PLAT: variants seen among roughly 807,000 people sequenced by gnomAD.
PLAT encodes plasminogen activator, tissue type, also known as tissue-type plasminogen activator.
A neutral mutation model predicts 74.9 loss-of-function variants in PLAT; 48 were observed. That is an observed-to-expected ratio of 0.64 (90% CI 0.51 to 0.82). The LOEUF (loss-of-function observed/expected upper bound fraction) is 0.82. Ranked by LOEUF, PLAT falls within the 40% of genes least tolerant of loss-of-function variation. The pLI is 0.00. For synonymous variants in PLAT, 307 were observed against 294.4 expected, an observed-to-expected ratio of 1.04 and a Z score of -0.44; for missense variants, 673 against 736.2, an observed-to-expected ratio of 0.91 and a Z score of 0.99.
Position 42,180,385 on chromosome 8 carries a change from G to T in PLAT, c.1086-7C>A, listed in dbSNP as rs1290527362. 1 of 1,614,150 alleles carries T rather than the reference G, an allele frequency of 6.2e-7. No individual in the cohort carries two copies. The highest frequency in any genetic ancestry group is 2.2e-5 in the East Asian group (1 of 44,882). ...CAGGTGGTGGGGCGGAAACCTGGTG[G>T]AGAAACAGCCTTAGAATGCTTTTTT... On this transcript the variant is annotated splice_region_variant and splice_polypyrimidine_tract_variant and intron_variant, in intron 10 of 13. Transcript: ENST00000220809.
At chr8:42,176,528 A>AC (rs1804980894) in intron 13 of PLAT, among the ~76,000 whole-genome samples, 1 of 152,148 alleles carries the variant, frequency 6.6e-6, no homozygotes, top group African/African-American at 2.4e-5. Context: ...GGCTCTGGCC[A>AC]CCCCCACCCA....
chr8:42,194,414 T>A (rs1007408034), intron 1 of PLAT, among the ~76,000 whole-genome samples: 4 of 152,286 alleles, frequency 2.6e-5, no homozygotes, highest in Non-Finnish European at 5.9e-5. Flanking sequence ...CCTTCCTTTT[T>A]AAAGCTGAAT....
intron 6 of PLAT, chr8:42,187,098 A>T: frequency 3.5e-6 from 1 of 282,058 alleles, no homozygotes; most frequent in Non-Finnish European, 6.6e-6. Flanking sequence ...TCTATCAATC[A>T]TCTATCAATC....
intron 1 of PLAT, among the ~76,000 whole-genome samples, chr8:42,199,632 G>A (rs1299505067): frequency 1.3e-5 from 2 of 152,126 alleles, no homozygotes; most frequent in Non-Finnish European, 2.9e-5. Flanking sequence ...TGGTAATCCC[G>A]GTTATTTGGA....
At chr8:42,187,286 C>T in intron 6 of PLAT, 112 bp downstream of exon 6, 1 of 794,582 alleles carries the variant, frequency 1.3e-6, no homozygotes, top group African/African-American at 1.7e-5. Context: ...TCCATCTATC[C>T]ATCCTGTATT....
rs199922180 is a variant in PLAT, at chr8:42,180,479, C to G, written c.1085+11G>C. 6 of 1,613,750 alleles carry G rather than the reference C, an allele frequency of 3.7e-6. No homozygotes were observed. Among genetic ancestry groups the G allele is most frequent in the African/African-American group, 1.3e-5 (1 of 74,926 alleles). On this transcript the variant is annotated intron_variant, in intron 10 of 13. Coordinates refer to ENST00000220809, the MANE Select transcript of PLAT (RefSeq NM_000930.5). ...AGGGTGGAAAAACCAACTGGGTTTCCGAGCCCCTACCTCTCCTGGAAGCAG... is the reference window on the plus strand; with the variant it reads ...AGGGTGGAAAAACCAACTGGGTTTCGGAGCCCCTACCTCTCCTGGAAGCAG...
intron 3 of PLAT, among the ~76,000 whole-genome samples, chr8:42,191,047 C>CTCTGCCT (rs1805662435): frequency 6.6e-6 from 1 of 152,210 alleles, no homozygotes; most frequent in African/African-American, 2.4e-5. Flanking sequence ...CTCTCCTGGG[C>CTCTGCCT]TCTGCCTTTT....
In PLAT at chr8:42,179,047, C is replaced by G. The variant is rs769212083; in HGVS notation, c.1380G>C (p.Ser460=). 1.3e-4 allele frequency: 205 copies of G among 1,611,722 alleles called. No homozygotes were observed. The highest frequency in any genetic ancestry group is 6.6e-4 in the Middle Eastern group (4 of 6,078). The change falls in exon 13 of 14, where the codon TCG becomes TCC. Residue 460 remains serine, a synonymous_variant. Transcript: ENST00000220809. ...GKHEALSPFY[S]ERLKEAHVRL... is the part of the protein sequence containing the mutation. ...TGACATGAGCCTCCTTCAGCCGCTCCGAATAGAAAGGAGACACTGAAAGGG... is the reference window on the plus strand; with the variant it reads ...TGACATGAGCCTCCTTCAGCCGCTCGGAATAGAAAGGAGACACTGAAAGGG...
Position 42,199,493 on chromosome 8 carries a change from C to T in PLAT, c.-26-6282G>A, listed in dbSNP as rs1026723155. 2.0e-5 allele frequency among the ~76,000 whole-genome samples: 3 copies of T among 151,992 alleles called. No individual in the cohort carries two copies. In the South Asian group the frequency reaches 6.2e-4, roughly 32 times the overall value. ...AGACCCTGCCCCCCACCCATCAGAG[C>T]AGAATTTTCTCCAAAACATCTTCCA... On this transcript the variant is annotated intron_variant, in intron 1 of 13. Transcript: ENST00000220809.
chr8:42,180,771 G>A, intron 9 of PLAT, 86 bp from the exon 10 acceptor site: 1 of 939,596 alleles, frequency 1.1e-6, no homozygotes. Flanking sequence ...CAGCATGGCT[G>A]TAAAACCACA....
chr8:42,194,215 T>TGA (rs140537859), intron 1 of PLAT, among the ~76,000 whole-genome samples: 3,143 of 119,828 alleles, frequency 0.026, 68 homozygotes, highest in Non-Finnish European at 0.037. Flanking sequence ...TGTGCCTGGC[T>TGA]GAGAGAGAGA....
At position 42,203,969 on chromosome 8, in the gene PLAT, T is replaced by TTATATATATA. The variant is rs373313453; in HGVS notation, c.-27+3515_-27+3524dup. Among the ~76,000 whole-genome samples, 205 of 104,580 alleles carry TTATATATATA rather than the reference T, an allele frequency of 2.0e-3. 1 individual carries two copies. Among genetic ancestry groups the TTATATATATA allele is most frequent in the Middle Eastern group, 8.4e-3 (2 of 238 alleles). The allele number at this position is 104,580 out of a possible 152,430, so 68.6% of individuals were successfully genotyped here. On this transcript the variant is annotated intron_variant, in intron 1 of 13. Coordinates refer to ENST00000220809, the MANE Select transcript of PLAT (RefSeq NM_000930.5). The stretch of plus-strand genomic sequence containing the variant: ...GATGGAGTCAGACCTTGTCTCTAAA[T>TTATATATATA]TATATATATATATATATATATATAC...
chr8:42,204,781 TGGA>T, intron 1 of PLAT, among the ~76,000 whole-genome samples: 1 of 149,114 alleles, frequency 6.7e-6, no homozygotes, highest in South Asian at 2.1e-4. Flanking sequence ...CCCAGCACTT[TGGA>T]GGAGGAGGGC....
chr8:42,193,139 C>CCACACAGCAGCAG lies in PLAT; in HGVS notation c.34_46dup (p.Gly16AlafsTer33). ...CTGGCTGGGCGAAACGAAGACTGCT[C>CCACACAGCAGCAG]CACACAGCAGCAGCACACAGCAGAG... On this transcript the variant is annotated frameshift_variant, in exon 2 of 14. Coordinates refer to ENST00000220809, the MANE Select transcript of PLAT (RefSeq NM_000930.5). LOFTEE classifies it high-confidence loss of function. 6.2e-7 allele frequency: 1 copy of CCACACAGCAGCAG among 1,613,394 alleles called. No individual in the cohort carries two copies. Among genetic ancestry groups the CCACACAGCAGCAG allele is most frequent in the Non-Finnish European group, 8.5e-7 (1 of 1,179,350 alleles).
intron 4 of PLAT, 48 bp downstream of exon 4, chr8:42,188,886 A>G: frequency 6.4e-7 from 1 of 1,562,854 alleles, no homozygotes; most frequent in Non-Finnish European, 8.8e-7. Context: ...TGGCCTCCTA[A>G]AGTGCTGGGA....
chr8:42,187,819 G>C, intron 5 of PLAT, 87 bp downstream of exon 5: 1 of 985,884 alleles, frequency 1.0e-6, no homozygotes, highest in Non-Finnish European at 1.6e-6. Context: ...CCCTGGCCCT[G>C]CCATCGCACC....
intron 1 of PLAT, among the ~76,000 whole-genome samples, chr8:42,194,241 A>AGAGAGAGAGAGAGTGT (rs1419569830): frequency 2.0e-3 from 106 of 52,558 alleles, no homozygotes; most frequent in African/African-American, 7.0e-3. Flanking sequence ...AGAGAGAGAG[A>AGAGAGAGAGAGAGTGT]GTGTGTGTGT....
rs1563258271 is a variant in PLAT at position 42,187,944 on chromosome 8, T to C, written c.326A>G (p.Gln109Arg). ...QALYFSDFVC[Q>R]CPEGFAGKCC... ...CTTCCCAGCAAATCCTTCGGGGCACTGGCACACGAAATCTGAGAAGTACAG... is the reference window on the plus strand; with the variant it reads ...CTTCCCAGCAAATCCTTCGGGGCACCGGCACACGAAATCTGAGAAGTACAG... The change falls in exon 5 of 14, where the codon CAG (glutamine) becomes CGG (arginine). Residue 109 changes from glutamine (Q) to arginine (R), a missense_variant. Coordinates refer to ENST00000220809, the MANE Select transcript of PLAT (RefSeq NM_000930.5). 5 of 1,613,432 alleles carry C rather than the reference T, an allele frequency of 3.1e-6. No homozygotes were observed. The highest frequency in any genetic ancestry group is 4.2e-6 in the Non-Finnish European group (5 of 1,179,466).
intron 6 of PLAT, chr8:42,187,161 A>G (rs1353284001): frequency 1.2e-5 from 5 of 413,518 alleles, no homozygotes; most frequent in Admixed American, 3.9e-5. Flanking sequence ...TCTACCGTCT[A>G]TTTATCATCT....
Sources: allele counts gnomAD v4.1 joint callset (sites outside exome capture counted in the v4.1 genomes callset), GRCh38; gene constraint gnomAD v4.1.1; transcripts MANE v1.5; gene names NCBI Gene and HGNC (gene_info 2026-07-23, HGNC 2026-07-21).